Variants in CSMD3 observed in about 807,000 individuals in gnomAD.
CSMD3 encodes CUB and Sushi multiple domains 3, also known as CUB and sushi domain-containing protein 3.
A neutral mutation model predicts 435.2 loss-of-function variants in CSMD3; 177 were observed. The ratio of observed to expected loss-of-function variants is 0.41; its 90% CI spans 0.36 to 0.46. CSMD3 has a LOEUF of 0.46. Among genes scored for constraint, CSMD3 ranks in the 20% least tolerant of loss-of-function variants. The pLI, the probability that CSMD3 is intolerant of heterozygous loss-of-function variation, is 0.34. For missense variants in CSMD3, 4,265 were observed against 4,504.6 expected (o/e 0.95, Z 1.52); for synonymous variants, 1,656 against 1,520.5 (o/e 1.09, Z -2.07).
At chr8:113,124,675 T>C (rs2091077695) in intron 4 of CSMD3, among the ~76,000 whole-genome samples, 1 of 151,942 alleles carries the variant, frequency 6.6e-6, no homozygotes, top group Non-Finnish European at 1.5e-5. Flanking sequence ...AAATATATTA[T>C]ATTAATAGTC....
intron 35 of CSMD3, among the ~76,000 whole-genome samples, 170 bp downstream of exon 35, chr8:112,406,354 C>T (rs1213880935): frequency 6.6e-6 from 1 of 151,904 alleles, no homozygotes; most frequent in Non-Finnish European, 1.5e-5. Flanking sequence ...ATCACCAAGA[C>T]AATTGCAACA....
In CSMD3 at chr8:112,952,345, C is replaced by T. The variant is rs550412717; in HGVS notation, c.1420+2339G>A. Among the ~76,000 whole-genome samples, 15 of 151,574 alleles carry T rather than the reference C, an allele frequency of 9.9e-5. No individual in the cohort carries two copies. The South Asian group carries it at 2.5e-3, about 25-fold the overall frequency. On this transcript the variant is annotated intron_variant, in intron 8 of 70. Transcript: ENST00000297405. ...CTCCATGCTTATACTGACTTTGGGC[C>T]GTGCCCATCATAGAATTGATCTTTT...
chr8:112,952,732 A>T (rs2130822177), intron 8 of CSMD3, among the ~76,000 whole-genome samples: 1 of 151,726 alleles, frequency 6.6e-6, no homozygotes, highest in South Asian at 2.1e-4. Context: ...AAGAGTATTT[A>T]AAAAGATTTT....
intron 30 of CSMD3, among the ~76,000 whole-genome samples, chr8:112,501,929 A>G (rs1563625782): frequency 6.6e-6 from 1 of 152,196 alleles, no homozygotes; most frequent in South Asian, 2.1e-4. Flanking sequence ...GGCCAAATCA[A>G]TTTTCAGAAG....
chr8:112,438,983 A>G (rs1045108201), intron 32 of CSMD3, among the ~76,000 whole-genome samples: 7 of 152,094 alleles, frequency 4.6e-5, no homozygotes, highest in African/African-American at 1.7e-4. Context: ...ACTCTTGCTA[A>G]TTTTACAAGC....
chr8:112,230,220 T>C (rs914780607), intron 69 of CSMD3, among the ~76,000 whole-genome samples: 15 of 152,298 alleles, frequency 9.8e-5, no homozygotes, highest in Non-Finnish European at 1.8e-4. Flanking sequence ...TTGGAGAATA[T>C]TACATGAAAA....
intron 5 of CSMD3, among the ~76,000 whole-genome samples, chr8:113,063,262 A>G (rs1317498987): frequency 1.3e-5 from 2 of 151,668 alleles, no homozygotes; most frequent in East Asian, 1.9e-4. Flanking sequence ...TTAAGTTTGC[A>G]TTACAGTAAC....
chr8:113,029,802 A>G (rs2131229922), intron 5 of CSMD3, among the ~76,000 whole-genome samples: 1 of 151,632 alleles, frequency 6.6e-6, no homozygotes, highest in African/African-American at 2.4e-5. Context: ...AAAGAAATAA[A>G]GGGCATCCAA....
rs556397798 is a variant in CSMD3, at chr8:112,508,733, C to T, written c.4757-1904G>A. Among the ~76,000 whole-genome samples the T allele has an allele frequency of 3.9e-5, 6 of 152,254 alleles. No homozygotes were observed. In the East Asian group the frequency reaches 1.2e-3, roughly 29 times the overall value. ...CCTTAGTATTCCCTGTTGCAATAGTCCCTTCCCTGCTCCTTGCAATAATCC... is the reference window on the plus strand; with the variant it reads ...CCTTAGTATTCCCTGTTGCAATAGTTCCTTCCCTGCTCCTTGCAATAATCC... On this transcript the variant is annotated intron_variant, in intron 28 of 70. Transcript: ENST00000297405.
intron 3 of CSMD3, among the ~76,000 whole-genome samples, chr8:113,181,609 G>A (rs2092423008): frequency 6.6e-6 from 1 of 151,966 alleles, no homozygotes; most frequent in African/African-American, 2.4e-5. Context: ...TTATATTTTT[G>A]TTTTGTAAAC....
chr8:112,552,822 GTTTC>G, intron 25 of CSMD3, 102 bp from the exon 26 acceptor site: 3 of 1,060,950 alleles, frequency 2.8e-6, no homozygotes, highest in Non-Finnish European at 2.8e-6. Context: ...TGATTTTCTT[GTTTC>G]TTTAAAGTAT....
At chr8:113,217,333 A>G (rs1030841299) in intron 3 of CSMD3, among the ~76,000 whole-genome samples, 18 of 151,738 alleles carry the variant, frequency 1.2e-4, no homozygotes, top group Non-Finnish European at 2.7e-4. Context: ...ACATACAAAG[A>G]AGCAGAAAAA....
chr8:112,688,970 C>T (rs899952228), intron 14 of CSMD3, among the ~76,000 whole-genome samples: 3 of 151,938 alleles, frequency 2.0e-5, no homozygotes, highest in African/African-American at 7.2e-5. Flanking sequence ...ACGTTGTCCT[C>T]CTAGAAGAAC....
chr8:113,354,478 A>G (rs1467501798), intron 1 of CSMD3, among the ~76,000 whole-genome samples: 1 of 152,224 alleles, frequency 6.6e-6, no homozygotes, highest in Admixed American at 6.5e-5. Flanking sequence ...TAAGGATGGA[A>G]TCCAATTATA....
At chr8:112,426,023 T>TTTG (rs1813035257) in intron 32 of CSMD3, among the ~76,000 whole-genome samples, 1 of 152,154 alleles carries the variant, frequency 6.6e-6, no homozygotes, top group African/African-American at 2.4e-5. Flanking sequence ...ATAAGTCAAG[T>TTTG]TCTATTTCTT....
chr8:112,719,776 T>C (rs757665729), intron 13 of CSMD3, among the ~76,000 whole-genome samples: 7 of 152,210 alleles, frequency 4.6e-5, no homozygotes, highest in African/African-American at 7.2e-5. Flanking sequence ...AAGAGTCTTA[T>C]ATGTAAATTT....
At chr8:113,112,442 TATATATGTATATAC>T in intron 4 of CSMD3, among the ~76,000 whole-genome samples, 1 of 18,892 alleles carries the variant, frequency 5.3e-5, no homozygotes, top group African/African-American at 2.6e-4. Flanking sequence ...TATATATATA[TATATATGTATATAC>T]ACACACACAC....
At chr8:112,509,364 AC>A (rs1737100908) in intron 28 of CSMD3, among the ~76,000 whole-genome samples, 1 of 152,148 alleles carries the variant, frequency 6.6e-6, no homozygotes, top group Non-Finnish European at 1.5e-5. Context: ...TGCTGGGATT[AC>A]AGGTGTGAGC....
intron 57 of CSMD3, among the ~76,000 whole-genome samples, chr8:112,289,156 A>G (rs969881613): frequency 1.9e-4 from 29 of 152,090 alleles, no homozygotes; most frequent in African/African-American, 7.0e-4. Context: ...ACAAACTTGT[A>G]ATTTATCATC....
Sources: gnomAD v4.1 joint callset for allele counts (sites outside exome capture counted in the v4.1 genomes callset) on GRCh38, gnomAD v4.1.1 for gene constraint, MANE v1.5 for transcripts, NCBI Gene and HGNC (gene_info 2026-07-23, HGNC 2026-07-21) for gene names.